KCNMB2: variants seen among roughly 807,000 people sequenced by gnomAD.
The protein encoded by KCNMB2 is calcium-activated potassium channel subunit beta-2.
Under a neutral mutation model 24.5 loss-of-function variants are expected in KCNMB2, and 9 were observed. The ratio of observed to expected loss-of-function variants is 0.37; its 90% CI spans 0.22 to 0.64. The LOEUF (loss-of-function observed/expected upper bound fraction) is 0.64, where lower values mean the gene tolerates loss of function less well. Among genes scored for constraint, KCNMB2 ranks in the 30% least tolerant of loss-of-function variants. The pLI is 0.63. For synonymous variants in KCNMB2, 109 were observed against 104.4 expected (o/e 1.04, Z -0.27); for missense variants, 226 against 284.3 (o/e 0.79, Z 1.47).
chr3:178,810,017 C>CA (rs1553780313), intron 2 of KCNMB2, among the ~76,000 whole-genome samples: 1 of 150,842 alleles, frequency 6.6e-6, no homozygotes, highest in Non-Finnish European at 1.5e-5. Context: ...TTTGTCTGTG[C>CA]TTTTTTTTTG....
chr3:178,803,324 T>C (rs947418209), intron 1 of KCNMB2, among the ~76,000 whole-genome samples: 1 of 152,150 alleles, frequency 6.6e-6, no homozygotes, highest in African/African-American at 2.4e-5. Flanking sequence ...CAACAGAAAT[T>C]TTCTGTCCAA....
At chr3:178,596,297 G>T (rs115527052) in intron 1 of KCNMB2, among the ~76,000 whole-genome samples, 5 of 151,956 alleles carry the variant, frequency 3.3e-5, no homozygotes, top group East Asian at 1.9e-4. Context: ...ATATATCATT[G>T]ATTTTATACT....
At chr3:178,692,825 T>C (rs1721731032) in intron 1 of KCNMB2, among the ~76,000 whole-genome samples, 1 of 152,262 alleles carries the variant, frequency 6.6e-6, no homozygotes, top group Non-Finnish European at 1.5e-5. Context: ...ATTGAATTTA[T>C]AAATTGCTTT....
Position 178,783,237 on chromosome 3 carries a change from C to T in KCNMB2, c.-67-24106C>T, listed in dbSNP as rs1167342817. On this transcript the variant is annotated intron_variant, in intron 1 of 4. Coordinates refer to ENST00000452583, the MANE Select transcript of KCNMB2 (RefSeq NM_181361.3). ...AAGTCAGGTAGCATGATGCCTCCAG[C>T]TTTGTTCTTTTGGCTTAGGATTGAC... Among the ~76,000 whole-genome samples, 3 of 151,980 alleles carry T rather than the reference C, an allele frequency of 2.0e-5. No homozygotes were observed. In the East Asian group the frequency reaches 5.8e-4, roughly 29 times the overall value.
At chr3:178,696,919 A>C (rs1011039393) in intron 1 of KCNMB2, among the ~76,000 whole-genome samples, 6 of 152,148 alleles carry the variant, frequency 3.9e-5, no homozygotes, top group African/African-American at 1.4e-4. Flanking sequence ...CATGGTTTTG[A>C]GTGAATTTCT....
chr3:178,757,318 G>C (rs1309396704), intron 1 of KCNMB2, among the ~76,000 whole-genome samples: 1 of 103,842 alleles, frequency 9.6e-6, no homozygotes, highest in Non-Finnish European at 2.0e-5. Context: ...CCATCCAAGA[G>C]GACATATATA....
chr3:178,707,591 A>T (rs1375540257), intron 1 of KCNMB2, among the ~76,000 whole-genome samples: 1 of 152,156 alleles, frequency 6.6e-6, no homozygotes, highest in Non-Finnish European at 1.5e-5. Flanking sequence ...GAGCTTTAAA[A>T]ATTCCTGATG....
intron 1 of KCNMB2, among the ~76,000 whole-genome samples, chr3:178,759,717 G>GGAT: frequency 2.4e-5 from 2 of 82,728 alleles, no homozygotes; most frequent in Non-Finnish European, 2.4e-5. Flanking sequence ...TATCCAAGAG[G>GGAT]ATATATATAC....
At chr3:178,759,199 G>GAT (rs1283326972) in intron 1 of KCNMB2, among the ~76,000 whole-genome samples, 2 of 100,718 alleles carry the variant, frequency 2.0e-5, no homozygotes, top group South Asian at 3.0e-4. Context: ...CTCCAAGAGG[G>GAT]ATATATATAT....
chr3:178,733,492 A>T (rs1008085193), intron 1 of KCNMB2, among the ~76,000 whole-genome samples: 71 of 151,972 alleles, frequency 4.7e-4, no homozygotes, highest in African/African-American at 1.6e-3. Context: ...TTATTTATTT[A>T]TTTTTTGAGA....
rs1362599596 is a variant in KCNMB2, at chr3:178,782,461, A to T, written c.-67-24882A>T. ...ATCCTCTCCAGCACCTGTTGTTTCC[A>T]GACTTTTTAATGATTGCCATTCTAA... On this transcript the variant is annotated intron_variant, in intron 1 of 4. Transcript: ENST00000452583. Among the ~76,000 whole-genome samples, 32 of 151,948 alleles carry T rather than the reference A, an allele frequency of 2.1e-4. No homozygotes were observed. The East Asian group carries it at 2.7e-3, about 13-fold the overall frequency.
intron 1 of KCNMB2, among the ~76,000 whole-genome samples, chr3:178,658,327 A>G (rs533145324): frequency 6.6e-6 from 1 of 152,356 alleles, no homozygotes; most frequent in African/African-American, 2.4e-5. Flanking sequence ...CAAGTCCAGT[A>G]AGCTGCTAGT....
At chr3:178,665,433 A>G (rs1403427055) in intron 1 of KCNMB2, among the ~76,000 whole-genome samples, 1 of 152,138 alleles carries the variant, frequency 6.6e-6, no homozygotes, top group Non-Finnish European at 1.5e-5. Context: ...TGTTTTTTTT[A>G]AAGGTTTTTA....
intron 1 of KCNMB2, among the ~76,000 whole-genome samples, chr3:178,757,595 T>G (rs868821168): frequency 2.3e-5 from 1 of 43,364 alleles, no homozygotes; most frequent in East Asian, 5.8e-4. Context: ...TCCAAGAGGA[T>G]ATATATATAT....
chr3:178,679,031 T>G (rs941610471), intron 1 of KCNMB2, among the ~76,000 whole-genome samples: 1 of 137,110 alleles, frequency 7.3e-6, no homozygotes, highest in East Asian at 2.0e-4. Context: ...AGTTTTTTTT[T>G]GTTTGTTTGT....
In KCNMB2 at chr3:178,710,363, C is replaced by A. The variant is rs75031550; in HGVS notation, c.-67-96980C>A. 3.0e-4 allele frequency among the ~76,000 whole-genome samples: 46 copies of A among 152,188 alleles called. 1 individual carries two copies. The East Asian group carries it at 8.9e-3, about 29-fold the overall frequency. ...CATTGTAAGAAAGTACTACCTTGAA[C>A]TACCCATATTCAAACCGGGGAAAGG... On this transcript the variant is annotated intron_variant, in intron 1 of 4. Transcript: ENST00000452583.
At chr3:178,640,539 G>A (rs1348031367) in intron 1 of KCNMB2, among the ~76,000 whole-genome samples, 1 of 152,142 alleles carries the variant, frequency 6.6e-6, no homozygotes, top group African/African-American at 2.4e-5. Context: ...TGAGATTTGG[G>A]TGGGGACCCA....
intron 4 of KCNMB2, among the ~76,000 whole-genome samples, chr3:178,840,462 C>T (rs1004945715): frequency 1.3e-5 from 2 of 152,234 alleles, no homozygotes; most frequent in Non-Finnish European, 2.9e-5. Flanking sequence ...GTGGGAACTC[C>T]AACCCCATAT....
chr3:178,718,649 G>T (rs1482035932), intron 1 of KCNMB2, among the ~76,000 whole-genome samples: 1 of 152,150 alleles, frequency 6.6e-6, no homozygotes, highest in Non-Finnish European at 1.5e-5. Flanking sequence ...GGAATACACT[G>T]GGAGATTGCT....
Sources: gnomAD v4.1 joint callset for allele counts (sites outside exome capture counted in the v4.1 genomes callset) on GRCh38, gnomAD v4.1.1 for gene constraint, MANE v1.5 for transcripts, NCBI Gene and HGNC (gene_info 2026-07-23, HGNC 2026-07-21) for gene names.